The following FAM227A variants were observed in gnomAD, a reference collection of about 807,000 sequenced individuals.
FAM227A encodes the protein protein FAM227A.
FAM227A carries 80 observed loss-of-function variants against 74.7 expected under a neutral mutation model. The ratio of observed to expected loss-of-function variants is 1.07; its 90% CI spans 0.89 to 1.29. The LOEUF is 1.29. FAM227A is among the 50% of genes most tolerant of loss of function. The pLI, the probability that FAM227A is intolerant of heterozygous loss-of-function variation, is 0.00. For missense variants in FAM227A, 654 were observed against 683.4 expected (o/e 0.96, Z 0.48); for synonymous variants, 237 against 241.8 (o/e 0.98, Z 0.19).
chr22:38,593,601 T>C (rs2090984812), intron 15 of FAM227A, among the ~76,000 whole-genome samples: 1 of 152,174 alleles, frequency 6.6e-6, no homozygotes, highest in South Asian at 2.1e-4. Flanking sequence ...GCAGTCCCTA[T>C]GTCTTCTCCC....
At position 38,582,904 on chromosome 22, in the gene FAM227A, G is replaced by A. The variant is rs186341152; in HGVS notation, c.*3221C>T. On this transcript the variant is annotated 3_prime_UTR_variant, in exon 17 of 17. Transcript: ENST00000535113. ...AGGGAAGGCTCCCAAGATGAGGGACGTCTAAGCGGGGTCCTGGAGGAAGAG... is the reference window on the plus strand; with the variant it reads ...AGGGAAGGCTCCCAAGATGAGGGACATCTAAGCGGGGTCCTGGAGGAAGAG... 1.4e-3 allele frequency: 2,165 copies of A among 1,550,514 alleles called. 1 individual carries two copies. The highest frequency in any genetic ancestry group is 2.3e-3 in the Middle Eastern group (14 of 5,988).
In FAM227A at chr22:38,650,279, G is replaced by T; in HGVS notation, c.-94-17C>A. On this transcript the variant is annotated splice_polypyrimidine_tract_variant and intron_variant, in intron 1 of 16. Transcript: ENST00000535113. ...ATCAGCCTCCTGGAAATCATAAACA[G>T]CATAGAGCCAGCTCAGAAAACACAA... 9.3e-7 allele frequency: 1 copy of T among 1,074,484 alleles called. No individual in the cohort carries two copies. Among genetic ancestry groups the T allele is most frequent in the Non-Finnish European group, 1.3e-6 (1 of 746,506 alleles). 66.6% of individuals were successfully genotyped at this position (1,074,484 alleles called of 1,614,324 possible). A position where few individuals can be genotyped will look rare whatever the true frequency, so the allele number is the denominator to read the frequency against.
intron 3 of FAM227A, among the ~76,000 whole-genome samples, chr22:38,643,807 G>A (rs1241236991): frequency 1.3e-5 from 2 of 152,180 alleles, no homozygotes; most frequent in South Asian, 4.1e-4. Flanking sequence ...GGAATATTTG[G>A]CACTAAAAAG....
Position 38,650,027 on chromosome 22 carries a change from A to C in FAM227A, c.142T>G (p.Ser48Ala). ...VRKELENNPP[S>A]CLIGSMHQVN... ...GTAGGTGACATCACCAGAAGGATAC[A>C]GGGTGGATTGTTCTCTAACTCCTTC... Residue 48 changes from serine to alanine, a missense_variant and splice_region_variant, in exon 2 of 17, where the codon TCA becomes GCA. Ser to Ala is a moderately conservative substitution (Grantham distance 99, BLOSUM62 1). Coordinates refer to ENST00000535113, the MANE Select transcript of FAM227A (RefSeq NM_001013647.2). The C allele has an allele frequency of 6.4e-7, 1 of 1,552,254 alleles. No homozygotes were observed. The highest frequency in any genetic ancestry group is 8.7e-7 in the Non-Finnish European group (1 of 1,147,084).
At chr22:38,596,499 T>C (rs902455018) in intron 15 of FAM227A, among the ~76,000 whole-genome samples, 11 of 152,182 alleles carry the variant, frequency 7.2e-5, no homozygotes, top group Admixed American at 3.9e-4. Flanking sequence ...CAGGCTGTAA[T>C]TGAGCTGCTG....
chr22:38,601,282 TGAG>T (rs1275640134), intron 13 of FAM227A, among the ~76,000 whole-genome samples: 2 of 151,780 alleles, frequency 1.3e-5, no homozygotes, highest in East Asian at 1.9e-4. Context: ...GGGAAGGCTG[TGAG>T]GAGGTGAGAC....
rs1348720211 is a variant in FAM227A at position 38,579,990 on chromosome 22, A to G, written c.*6135T>C. ...CTGGAGTGTGCAGTGGCATGATCATAGCTCACTGCACCCTCCAACTCCCAG... is the reference window on the plus strand; with the variant it reads ...CTGGAGTGTGCAGTGGCATGATCATGGCTCACTGCACCCTCCAACTCCCAG... On this transcript the variant is annotated 3_prime_UTR_variant, in exon 17 of 17. Coordinates refer to ENST00000535113, the MANE Select transcript of FAM227A (RefSeq NM_001013647.2). 1 of 151,788 alleles carries G rather than the reference A, an allele frequency of 6.6e-6. No individual in the cohort carries two copies. The highest frequency in any genetic ancestry group is 1.5e-5 in the Non-Finnish European group (1 of 67,998). 9.4% of individuals were successfully genotyped at this position (151,788 alleles called of 1,614,324 possible).
rs529584263 is a variant in FAM227A, at chr22:38,578,208, CCAA to C, written c.*7914_*7916del. 48 of 152,226 alleles carry C rather than the reference CCAA, an allele frequency of 3.2e-4. No homozygotes were observed. Among genetic ancestry groups the C allele is most frequent in the East Asian group, 2.1e-3 (11 of 5,178 alleles). The allele number at this position is 152,226 out of a possible 1,614,324, so 9.4% of individuals were successfully genotyped here. On this transcript the variant is annotated 3_prime_UTR_variant, in exon 17 of 17. Transcript: ENST00000535113. The stretch of plus-strand genomic sequence containing the variant: ...AGGCAACACAGTACATTTGTTCACA[CCAA>C]CATCACCACAAACACGTGACTAATG...
intron 3 of FAM227A, among the ~76,000 whole-genome samples, chr22:38,640,899 GGTGTGTGTATGT>G (rs1011020624): frequency 6.6e-5 from 10 of 152,034 alleles, no homozygotes; most frequent in Non-Finnish European, 1.5e-4. Flanking sequence ...TGTGTGCAGG[GGTGTGTGTATGT>G]GTGTGTGCCA....
intron 11 of FAM227A, among the ~76,000 whole-genome samples, chr22:38,613,196 ATT>A (rs1402737985): frequency 5.1e-5 from 4 of 78,984 alleles, no homozygotes; most frequent in African/African-American, 1.1e-4. Flanking sequence ...ATATATATAT[ATT>A]ATATTATATA....
chr22:38,588,382 G>A, intron 16 of FAM227A, among the ~76,000 whole-genome samples: 1 of 152,074 alleles, frequency 6.6e-6, no homozygotes, highest in Non-Finnish European at 1.5e-5. Context: ...ACTTTGGGGG[G>A]CCGAGGTGGG....
At position 38,654,687 on chromosome 22, in the gene FAM227A, T is replaced by C. The variant is rs1320590376; in HGVS notation, c.-95+1433A>G. Among the ~76,000 whole-genome samples, 3 of 150,438 alleles carry C rather than the reference T, an allele frequency of 2.0e-5. No homozygotes were observed. The East Asian group carries it at 5.9e-4, about 30-fold the overall frequency. On this transcript the variant is annotated intron_variant, in intron 1 of 16. Coordinates refer to ENST00000535113, the MANE Select transcript of FAM227A (RefSeq NM_001013647.2). ...GGCTCACGCCTGTAATCCCAGCACT[T>C]TGGGAGGCCGAGGCAGGCGGATCAT... is the stretch of plus-strand genomic sequence containing the variant.
In FAM227A at chr22:38,578,779, G is replaced by A. The variant is rs75464485; in HGVS notation, c.*7346C>T. On this transcript the variant is annotated 3_prime_UTR_variant, in exon 17 of 17. Coordinates refer to ENST00000535113, the MANE Select transcript of FAM227A (RefSeq NM_001013647.2). ...GCGGGAAAGGCAGAAGGAACACAGA[G>A]GCTTATTTGGGGAACTGCAAGTGGT... is the stretch of plus-strand genomic sequence containing the variant. 1,994 of 152,264 alleles carry A rather than the reference G, an allele frequency of 0.013. 14 individuals are homozygous for A. The highest frequency in any genetic ancestry group is 0.061 in the Middle Eastern group (18 of 294). 9.4% of individuals were successfully genotyped at this position (152,264 alleles called of 1,614,324 possible).
intron 16 of FAM227A, among the ~76,000 whole-genome samples, chr22:38,586,918 TC>T (rs1207157859): frequency 6.6e-6 from 1 of 152,056 alleles, no homozygotes; most frequent in Non-Finnish European, 1.5e-5. Context: ...GACCTCGTGA[TC>T]CGCCTGCCTT....
At chr22:38,601,865 C>A (rs939879726) in intron 13 of FAM227A, among the ~76,000 whole-genome samples, 5 of 151,880 alleles carry the variant, frequency 3.3e-5, no homozygotes, top group African/African-American at 9.7e-5. Flanking sequence ...CAGGCTGGGG[C>A]GGTGGGAAAG....
Position 38,645,553 on chromosome 22 carries a change from G to A in FAM227A, c.225+10C>T, listed in dbSNP as rs1461591800. 4 of 1,547,970 alleles carry A rather than the reference G, an allele frequency of 2.6e-6. No individual in the cohort carries two copies. The highest frequency in any genetic ancestry group is 2.0e-5 in the Admixed American group (1 of 50,954). The stretch of plus-strand genomic sequence containing the variant: ...GAAGCTTTGTCTCAGCTCCAGCATA[G>A]GTAACTCACCAGGCTGTTGGCCGAC... On this transcript the variant is annotated intron_variant, in intron 3 of 16. Transcript: ENST00000535113.
At chr22:38,643,519 C>T (rs951825621) in intron 3 of FAM227A, among the ~76,000 whole-genome samples, 6 of 152,114 alleles carry the variant, frequency 3.9e-5, no homozygotes, top group African/African-American at 1.4e-4. Context: ...CTGGTGAGAA[C>T]GTGGAGCCGC....
At chr22:38,641,476 G>A (rs886964329) in intron 3 of FAM227A, among the ~76,000 whole-genome samples, 1 of 151,250 alleles carries the variant, frequency 6.6e-6, no homozygotes, top group Non-Finnish European at 1.5e-5. Context: ...GCTTGAACTT[G>A]GGAGGCGGAG....
At chr22:38,611,835 A>T (rs1316317892) in intron 11 of FAM227A, among the ~76,000 whole-genome samples, 1 of 152,176 alleles carries the variant, frequency 6.6e-6, no homozygotes, top group Non-Finnish European at 1.5e-5. Context: ...CCCACTTGGC[A>T]TCTATCTTCA....
Sources: gnomAD v4.1 joint callset for allele counts (sites outside exome capture counted in the v4.1 genomes callset) on GRCh38, gnomAD v4.1.1 for gene constraint, MANE v1.5 for transcripts, NCBI Gene and HGNC (gene_info 2026-07-23, HGNC 2026-07-21) for gene names.